Variants in DNAH2 observed in about 807,000 individuals in gnomAD.
DNAH2 encodes the protein dynein axonemal heavy chain 2.
In DNAH2, 323 loss-of-function variants were observed where a neutral mutation model predicts 523.5. The ratio of observed to expected loss-of-function variants is 0.62; its 90% CI spans 0.56 to 0.68. The LOEUF (loss-of-function observed/expected upper bound fraction) is 0.68. Ranked by LOEUF, DNAH2 falls within the 30% of genes least tolerant of loss-of-function variation. DNAH2 has a pLI of 0.00. For missense variants in DNAH2, 4,907 were observed against 5,701.5 expected, an observed-to-expected ratio of 0.86 and a Z score of 4.49; for synonymous variants, 2,093 against 2,177.4, an observed-to-expected ratio of 0.96 and a Z score of 1.08.
chr17:7,817,981 C>T lies in DNAH2; in HGVS notation c.10272C>T (p.Tyr3424=), dbSNP rs2077730333. The change falls in exon 68 of 86, where the codon TAC becomes TAT. Residue 3424 remains tyrosine, a synonymous_variant. Transcript: ENST00000572933. ...TCATCGACCTGCAGATGAGCGATTA[C>T]CTGCGAATCCTAGAACACGCCATTC... ...LKIIDLQMSD[Y]LRILEHAIHF... is the part of the protein sequence containing the mutation. 1.2e-6 allele frequency: 2 copies of T among 1,614,026 alleles called. No homozygotes were observed. The highest frequency in any genetic ancestry group is 1.7e-6 in the Non-Finnish European group (2 of 1,180,018).
intron 63 of DNAH2, among the ~76,000 whole-genome samples, chr17:7,811,225 A>C (rs764982875): frequency 1.3e-5 from 2 of 152,242 alleles, no homozygotes; most frequent in Non-Finnish European, 2.9e-5. Flanking sequence ...TAGTTCAATT[A>C]AATGACAGCA....
intron 5 of DNAH2, 62 bp downstream of exon 5, chr17:7,733,377 A>G: frequency 1.3e-6 from 2 of 1,542,288 alleles, no homozygotes; most frequent in South Asian, 2.3e-5. Context: ...ACAACTAGTG[A>G]AGTGGTGGGT....
At chr17:7,751,355 A>G (rs2075677630) in intron 12 of DNAH2, among the ~76,000 whole-genome samples, 1 of 152,120 alleles carries the variant, frequency 6.6e-6, no homozygotes, top group Non-Finnish European at 1.5e-5. Flanking sequence ...GGCCTTCTAA[A>G]ATGCTGAACT....
rs1011518186 is a variant in DNAH2 at position 7,775,475 on chromosome 17, C to T, written c.4821+133C>T. The stretch of plus-strand genomic sequence containing the variant: ...CTGAGGTGGGCAGATCACCTGAGGT[C>T]GGGAGTTTGAGACCAGCCTGACCAA... On this transcript the variant is annotated intron_variant, in intron 30 of 85. Coordinates refer to ENST00000572933, the MANE Select transcript of DNAH2 (RefSeq NM_020877.5). The T allele has an allele frequency of 2.9e-5, 23 of 806,812 alleles. 1 individual carries two copies. The highest frequency in any genetic ancestry group is 1.7e-4 in the South Asian group (10 of 59,088). 50.0% of individuals were successfully genotyped at this position (806,812 alleles called of 1,614,324 possible).
At chr17:7,736,673 G>A (rs921527726) in intron 7 of DNAH2, among the ~76,000 whole-genome samples, 2 of 152,112 alleles carry the variant, frequency 1.3e-5, no homozygotes, top group African/African-American at 4.8e-5. Context: ...TCAGAATGGG[G>A]TTGAAGATGG....
rs73232373 is a variant in DNAH2 at position 7,807,568 on chromosome 17, C to A, written c.9711C>A (p.Ala3237=). 1.8e-3 allele frequency: 2,940 copies of A among 1,611,942 alleles called. 48 individuals carry two copies. In the African/African-American group the frequency reaches 0.034, roughly 19 times the overall value. Reference sequence around the variant, plus strand: ...AGAAGCAAGCCGCGCTCGCTGAGGCCCAGGAGAAGCTGCGGGAGGTGAGCT... The same window carrying A: ...AGAAGCAAGCCGCGCTCGCTGAGGCACAGGAGAAGCTGCGGGAGGTGAGCT... ...LREKQAALAE[A]QEKLREVAEK... is the part of the protein sequence containing the mutation. The change falls in exon 63 of 86, where the codon GCC becomes GCA. Residue 3237 remains alanine (A), a synonymous_variant. Coordinates refer to ENST00000572933, the MANE Select transcript of DNAH2 (RefSeq NM_020877.5). This position sits in a 1 kb window ranked among gnomAD's most constrained non-coding sequence, Gnocchi z 5.6.
chr17:7,831,311 G>A lies in DNAH2; in HGVS notation c.12456G>A (p.Glu4152=). The part of the protein sequence containing the change: ...PTRAGGQTRE[E]KVLELAADVK... ...GGGCTGGAGGCCAGACCCGGGAAGA[G>A]AAGGTAAAAAGAGCCGGGCCTGGGG... The change falls in exon 80 of 86, where the codon GAG becomes GAA. Residue 4152 remains glutamate, a synonymous_variant. Transcript: ENST00000572933. This position sits in a 1 kb window ranked among gnomAD's most constrained non-coding sequence, Gnocchi z 4.2. 2 of 1,614,086 alleles carry A rather than the reference G, an allele frequency of 1.2e-6. No individual in the cohort carries two copies. Among genetic ancestry groups the A allele is most frequent in the Non-Finnish European group, 1.7e-6 (2 of 1,180,026 alleles).
chr17:7,799,061 A>G (rs761406557), intron 55 of DNAH2, 42 bp from the exon 56 acceptor site: 5 of 1,608,814 alleles, frequency 3.1e-6, no homozygotes, highest in Non-Finnish European at 4.2e-6. Context: ...TGATTCTGCT[A>G]TGGACACGCC....
chr17:7,740,956 G>A lies in DNAH2; in HGVS notation c.1653G>A (p.Val551=). 1 of 1,609,172 alleles carries A rather than the reference G, an allele frequency of 6.2e-7. No individual in the cohort carries two copies. The highest frequency in any genetic ancestry group is 8.5e-7 in the Non-Finnish European group (1 of 1,176,022). ...AGTATTCCGGAAAGGCGCGCTGGGT[G>A]CACATCCTCCGGCGTCGCATCGACA... ...VAQYSGKARW[V]HILRRRIDRV... is the part of the protein sequence containing the mutation. Residue 551 remains valine (V), a synonymous_variant, in exon 11 of 86, where the codon GTG becomes GTA. Coordinates refer to ENST00000572933, the MANE Select transcript of DNAH2 (RefSeq NM_020877.5).
At position 7,830,704 on chromosome 17, in the gene DNAH2, C is replaced by T. The variant is rs1267277846; in HGVS notation, c.12092C>T (p.Thr4031Ile). The change falls in exon 79 of 86, where the codon ACA becomes ATA. Residue 4031 changes from threonine to isoleucine, a missense_variant. By Grantham distance (89) the Thr-to-Ile change is moderately conservative. Transcript: ENST00000572933. ...CTCTATCTCGATGAGTACGAGGAGACACCTTGGGACGCACTTAAGTACCTC... is the reference window on the plus strand; with the variant it reads ...CTCTATCTCGATGAGTACGAGGAGATACCTTGGGACGCACTTAAGTACCTC... ...LSLYLDEYEE[T>I]PWDALKYLIA... 2.5e-6 allele frequency: 4 copies of T among 1,614,190 alleles called. No homozygotes were observed. The African/African-American group carries it at 4.0e-5, about 16-fold the overall frequency.
chr17:7,768,263 G>A lies in DNAH2; in HGVS notation c.3937G>A (p.Glu1313Lys), dbSNP rs1181578399. 3 of 1,614,042 alleles carry A rather than the reference G, an allele frequency of 1.9e-6. No homozygotes were observed. The highest frequency in any genetic ancestry group is 2.5e-6 in the Non-Finnish European group (3 of 1,180,042). Residue 1313 changes from glutamate (E) to lysine (K), a missense_variant, in exon 24 of 86, where the codon GAG (glutamate) becomes AAG (lysine). This residue lies in a region of DNAH2 where 2,806 missense variants were observed against 3,190.8 expected (regional missense o/e 0.88). Transcript: ENST00000572933. ...AGACCTGCGGAACCCTGCCCTTAGA[G>A]AGAGGTGAGGCTTCTCCTCTGCTCC... is the stretch of plus-strand genomic sequence containing the variant. ...ISDLRNPALR[E>K]RHWDQVRDEI...
At chr17:7,724,142 T>C (rs113057917) in intron 3 of DNAH2, among the ~76,000 whole-genome samples, 38 of 152,270 alleles carry the variant, frequency 2.5e-4, no homozygotes, top group Middle Eastern at 3.4e-3. Context: ...TATTTCCAAG[T>C]TGCATCAAAG....
At position 7,828,932 on chromosome 17, in the gene DNAH2, GCT is replaced by G. The variant is rs1315043153; in HGVS notation, c.11854-1367_11854-1366del. 6.6e-6 allele frequency among the ~76,000 whole-genome samples: 1 copy of G among 151,958 alleles called. No individual in the cohort carries two copies. The highest frequency in any genetic ancestry group is 6.6e-5 in the Admixed American group (1 of 15,250). On this transcript the variant is annotated intron_variant, in intron 77 of 85. Coordinates refer to ENST00000572933, the MANE Select transcript of DNAH2 (RefSeq NM_020877.5). This position sits in a 1 kb window ranked among gnomAD's most constrained non-coding sequence, Gnocchi z 4.1. ...AGTCATAGATAAGTCTTTTTAAAAC[GCT>G]GTTTGAACAGATTGCTGTCCTACTC...
At chr17:7,827,977 C>T (rs535060019) in intron 77 of DNAH2, among the ~76,000 whole-genome samples, 18 of 152,148 alleles carry the variant, frequency 1.2e-4, no homozygotes, top group Non-Finnish European at 1.9e-4. Flanking sequence ...CTCTGTGGCC[C>T]AGACTGGAGT....
rs2077770701 is a variant in DNAH2 at position 7,818,975 on chromosome 17, T to G, written c.10727T>G (p.Leu3576Arg). ...LLDDVQLVNTLHTSKITATEV... is the reference protein window; with the variant it reads ...LLDDVQLVNTRHTSKITATEV... Reference sequence around the variant, plus strand: ...GATGATGTGCAGCTGGTGAACACGCTGCATACCTCCAAGATCACAGCCACA... The same window carrying G: ...GATGATGTGCAGCTGGTGAACACGCGGCATACCTCCAAGATCACAGCCACA... The change falls in exon 71 of 86, where the codon CTG becomes CGG. Residue 3576 changes from leucine (L) to arginine (R), a missense_variant. Around this residue, in one of 3 missense-constraint regions of DNAH2, gnomAD observed 1,851 missense variants for 2,139.4 expected, o/e 0.87. Transcript: ENST00000572933. The G allele has an allele frequency of 1.2e-6, 2 of 1,612,032 alleles. No homozygotes were observed. Among genetic ancestry groups the G allele is most frequent in the Non-Finnish European group, 1.7e-6 (2 of 1,179,982 alleles).
rs745426175 is a variant in DNAH2, at chr17:7,831,180, G to C, written c.12325G>C (p.Glu4109Gln). 9 of 1,614,040 alleles carry C rather than the reference G, an allele frequency of 5.6e-6. No individual in the cohort carries two copies. In the African/African-American group the frequency reaches 8.0e-5, roughly 14 times the overall value. ...ISLLPGMDPPEAFGQHPNADV... is the reference protein window; with the variant it reads ...ISLLPGMDPPQAFGQHPNADV... ...CTTATTGCCTGGCATGGACCCCCCT[G>C]AGGCCTTTGGCCAGCACCCCAATGC... is the stretch of plus-strand genomic sequence containing the variant. Residue 4109 changes from glutamate (E) to glutamine (Q), a missense_variant, in exon 80 of 86, where the codon GAG (glutamate) becomes CAG (glutamine). Glu to Gln is a conservative substitution (Grantham distance 29). Transcript: ENST00000572933. This position sits in a 1 kb window ranked among gnomAD's most constrained non-coding sequence, Gnocchi z 4.2.
Position 7,759,502 on chromosome 17 carries a change from A to G in DNAH2, c.2529A>G (p.Ser843=), listed in dbSNP as rs747728354. The G allele has an allele frequency of 8.7e-6, 14 of 1,614,014 alleles. No individual in the cohort carries two copies. The highest frequency in any genetic ancestry group is 1.3e-5 in the African/African-American group (1 of 74,906). Residue 843 remains serine, a synonymous_variant, in exon 16 of 86, where the codon TCA becomes TCG. Transcript: ENST00000572933. ...CCCTGCGCCTGAATGTGAAGTGGTCACTGCTAGAACTATCCAAGGCTATCA... is the reference window on the plus strand; with the variant it reads ...CCCTGCGCCTGAATGTGAAGTGGTCGCTGCTAGAACTATCCAAGGCTATCA... ...EDALRLNVKW[S]LLELSKAING... is the part of the protein sequence containing the mutation.
rs758268729 is a variant in DNAH2, at chr17:7,833,619, C to A, written c.*86C>A. On this transcript the variant is annotated 3_prime_UTR_variant, in exon 86 of 86. Coordinates refer to ENST00000572933, the MANE Select transcript of DNAH2 (RefSeq NM_020877.5). The stretch of plus-strand genomic sequence containing the variant: ...GTTGCACCTAGGACTGAGGCCGGAC[C>A]TCACTCAGACTTTGACCTTGGCCGA... 1.9e-6 allele frequency: 3 copies of A among 1,575,974 alleles called. No individual in the cohort carries two copies. The highest frequency in any genetic ancestry group is 2.6e-6 in the Non-Finnish European group (3 of 1,162,126).
chr17:7,741,685 A>G (rs547696821), intron 11 of DNAH2, among the ~76,000 whole-genome samples: 1 of 132,908 alleles, frequency 7.5e-6, no homozygotes, highest in East Asian at 2.3e-4. Context: ...TTTTTCTGAG[A>G]TGGAGTTTTG....
Sources: gnomAD v4.1 joint callset for allele counts (sites outside exome capture counted in the v4.1 genomes callset) on GRCh38, gnomAD v4.1.1 for gene constraint, gnomAD v4.1.1 regional missense constraint, Gnocchi (gnomAD v3.1) non-coding constraint, MANE v1.5 for transcripts, NCBI Gene and HGNC (gene_info 2026-07-23, HGNC 2026-07-21) for gene names.